Variants in MFSD6 observed in about 807,000 individuals in gnomAD.
The protein encoded by MFSD6 is major facilitator superfamily domain containing 6, also known as major facilitator superfamily domain-containing protein 6.
A neutral mutation model predicts 56.3 loss-of-function variants in MFSD6; 26 were observed. That is an observed-to-expected ratio of 0.46 (90% CI 0.34 to 0.64). The LOEUF is 0.64. Among genes scored for constraint, MFSD6 ranks in the 30% least tolerant of loss-of-function variants. The pLI is 0.01. For synonymous variants in MFSD6, 331 were observed against 366.9 expected, an observed-to-expected ratio of 0.90 and a Z score of 1.12; for missense variants, 750 against 986.2, an observed-to-expected ratio of 0.76 and a Z score of 3.21.
At chr2:190,481,348 T>C (rs1688654316) in intron 4 of MFSD6, among the ~76,000 whole-genome samples, 1 of 152,244 alleles carries the variant, frequency 6.6e-6, no homozygotes, top group Admixed American at 6.5e-5. Context: ...GATCTACTAT[T>C]TTATTTCCTC....
rs966270640 is a variant in MFSD6 at position 190,467,742 on chromosome 2, G to C, written c.1533-2016G>C. Among the ~76,000 whole-genome samples the C allele has an allele frequency of 4.6e-5, 7 of 152,054 alleles. No individual in the cohort carries two copies. Among genetic ancestry groups the C allele is most frequent in the Non-Finnish European group, 1.0e-4 (7 of 68,008 alleles). ...AATAATAGTTTCTACATGTTTAAAT[G>C]GTTGAAAAAAAACACAAGAAGAATA... On this transcript the variant is annotated intron_variant, in intron 3 of 7. Coordinates refer to ENST00000392328, the MANE Select transcript of MFSD6 (RefSeq NM_017694.4). This position sits in a 1 kb window ranked among gnomAD's most constrained non-coding sequence, Gnocchi z 5.5.
chr2:190,435,964 T>A lies in MFSD6; in HGVS notation c.-53-13T>A. 1 of 1,515,970 alleles carries A rather than the reference T, an allele frequency of 6.6e-7. No individual in the cohort carries two copies. The highest frequency in any genetic ancestry group is 8.8e-7 in the Non-Finnish European group (1 of 1,132,442). The allele number at this position is 1,515,970 out of a possible 1,614,324, so 93.9% of individuals were successfully genotyped here. ...TTTCATTACTAAGCCATCTTTTAAA[T>A]TTTACTTTACAGATCAACAGTACAA... On this transcript the variant is annotated splice_polypyrimidine_tract_variant and intron_variant, in intron 2 of 7. Coordinates refer to ENST00000392328, the MANE Select transcript of MFSD6 (RefSeq NM_017694.4).
In MFSD6 at chr2:190,495,463, C is replaced by T. The variant is rs1205209523; in HGVS notation, c.1892-1976C>T. Among the ~76,000 whole-genome samples, 1 of 152,100 alleles carries T rather than the reference C, an allele frequency of 6.6e-6. No individual in the cohort carries two copies. The highest frequency in any genetic ancestry group is 6.5e-5 in the Admixed American group (1 of 15,270). On this transcript the variant is annotated intron_variant, in intron 6 of 7. Transcript: ENST00000392328. This position sits in a 1 kb window ranked among gnomAD's most constrained non-coding sequence, Gnocchi z 4.7. Reference sequence around the variant, plus strand: ...AATTCAATGCAATTCCCATCAAATACCACCATCATTCTTCACAGAACTAGA... The same window carrying T: ...AATTCAATGCAATTCCCATCAAATATCACCATCATTCTTCACAGAACTAGA...
chr2:190,446,079 A>G (rs1354837704), intron 3 of MFSD6, among the ~76,000 whole-genome samples: 2 of 152,176 alleles, frequency 1.3e-5, no homozygotes, highest in African/African-American at 4.8e-5. Flanking sequence ...AGCTTAAAAA[A>G]TCCTACCCAA....
Position 190,500,010 on chromosome 2 carries a change from T to A in MFSD6, c.2173-5T>A. 1.2e-6 allele frequency: 2 copies of A among 1,614,088 alleles called. No homozygotes were observed. Among genetic ancestry groups the A allele is most frequent in the African/African-American group, 1.3e-5 (1 of 75,032 alleles). ...CATGGGGCATCTCCTGTTTTTTACCTCCAGGGGACCAATGAGAATAGGGAA... is the reference window on the plus strand; with the variant it reads ...CATGGGGCATCTCCTGTTTTTTACCACCAGGGGACCAATGAGAATAGGGAA... On this transcript the variant is annotated splice_region_variant and splice_polypyrimidine_tract_variant and intron_variant, in intron 7 of 7. Transcript: ENST00000392328. The surrounding 1 kb of genome is among the most constrained non-coding windows in gnomAD (Gnocchi z 5.3).
At chr2:190,427,528 T>G (rs1406009098) in intron 2 of MFSD6, among the ~76,000 whole-genome samples, 1 of 152,214 alleles carries the variant, frequency 6.6e-6, no homozygotes, top group Non-Finnish European at 1.5e-5. Flanking sequence ...CCATCAGTAT[T>G]TCTTGGTTCT....
chr2:190,428,291 C>T (rs1489072257), intron 2 of MFSD6, among the ~76,000 whole-genome samples: 4 of 152,194 alleles, frequency 2.6e-5, no homozygotes, highest in Non-Finnish European at 5.9e-5. Flanking sequence ...AATTATTCTG[C>T]AGTGAACATG....
At position 190,437,260 on chromosome 2, in the gene MFSD6, G is replaced by C; in HGVS notation, c.1231G>C (p.Val411Leu). 6.2e-7 allele frequency: 1 copy of C among 1,614,204 alleles called. No individual in the cohort carries two copies. Among genetic ancestry groups the C allele is most frequent in the Non-Finnish European group, 8.5e-7 (1 of 1,180,028 alleles). Reference sequence around the variant, plus strand: ...AGGGAAAGAGGTGGAGATCCCGCAGGTGGAAAGGAACAACTCTACAGAGTC... The same window carrying C: ...AGGGAAAGAGGTGGAGATCCCGCAGCTGGAAAGGAACAACTCTACAGAGTC... ...SKGKEVEIPQVERNNSTESSE... is the reference protein window; with the variant it reads ...SKGKEVEIPQLERNNSTESSE... Residue 411 changes from valine (V) to leucine (L), a missense_variant, in exon 3 of 8, where the codon GTG (valine) becomes CTG (leucine). By Grantham distance (32) the Val-to-Leu change is conservative. Around this residue, in one of 5 missense-constraint regions of MFSD6, gnomAD observed 376 missense variants for 437.9 expected, o/e 0.86. Transcript: ENST00000392328. This position sits in a 1 kb window ranked among gnomAD's most constrained non-coding sequence, Gnocchi z 5.9.
rs761791455 is a variant in MFSD6 at position 190,436,089 on chromosome 2, T to C, written c.60T>C (p.Tyr20=). 2 of 1,614,078 alleles carry C rather than the reference T, an allele frequency of 1.2e-6. No homozygotes were observed. Among genetic ancestry groups the C allele is most frequent in the African/African-American group, 1.3e-5 (1 of 74,932 alleles). Residue 20 remains tyrosine, a synonymous_variant, in exon 3 of 8, where the codon TAT becomes TAC. Transcript: ENST00000392328. The surrounding 1 kb of genome is among the most constrained non-coding windows in gnomAD (Gnocchi z 5.3). ...ATGAAGAGGAACAGAAGAGAAAGTA[T>C]GTGCTTGCAGATCCCTTTAATGGTA... ...TDDEEEQKRK[Y]VLADPFNGIS...
intron 3 of MFSD6, among the ~76,000 whole-genome samples, chr2:190,446,572 G>C (rs1686592419): frequency 6.6e-6 from 1 of 152,212 alleles, no homozygotes; most frequent in South Asian, 2.1e-4. Context: ...GTGTCATGAA[G>C]TTTTTAAAAT....
chr2:190,462,538 A>C lies in MFSD6; in HGVS notation c.1533-7220A>C, dbSNP rs1351124291. On this transcript the variant is annotated intron_variant, in intron 3 of 7. Coordinates refer to ENST00000392328, the MANE Select transcript of MFSD6 (RefSeq NM_017694.4). The surrounding 1 kb of genome is among the most constrained non-coding windows in gnomAD (Gnocchi z 5.7). ...GCCTGAGCAAGGCAGGCTCTTTTTG[A>C]GTACAAAGAGGAAGAAGACATGGCC... Among the ~76,000 whole-genome samples the C allele has an allele frequency of 1.3e-5, 2 of 152,176 alleles. No individual in the cohort carries two copies. Among genetic ancestry groups the C allele is most frequent in the African/African-American group, 4.8e-5 (2 of 41,446 alleles).
chr2:190,469,778 C>T lies in MFSD6; in HGVS notation c.1553C>T (p.Ala518Val). 6.3e-7 allele frequency: 1 copy of T among 1,597,196 alleles called. No homozygotes were observed. Among genetic ancestry groups the T allele is most frequent in the Non-Finnish European group, 8.5e-7 (1 of 1,171,356 alleles). ...TTTAGGGTTCTGTACATTGGCCTGGCCTGCAATACGGCTCGCTATATTTAT... is the reference window on the plus strand; with the variant it reads ...TTTAGGGTTCTGTACATTGGCCTGGTCTGCAATACGGCTCGCTATATTTAT... ...GHIRVLYIGL[A>V]CNTARYIYIS... Residue 518 changes from alanine (A) to valine (V), a missense_variant, in exon 4 of 8, where the codon GCC (alanine) becomes GTC (valine). This residue lies in a region of MFSD6 where 125 missense variants were observed against 223.1 expected (regional missense o/e 0.56). Coordinates refer to ENST00000392328, the MANE Select transcript of MFSD6 (RefSeq NM_017694.4). The surrounding 1 kb of genome is among the most constrained non-coding windows in gnomAD (Gnocchi z 5.3).
rs1339714756 is a variant in MFSD6, at chr2:190,462,909, A to T, written c.1533-6849A>T. Among the ~76,000 whole-genome samples, 1 of 152,080 alleles carries T rather than the reference A, an allele frequency of 6.6e-6. No homozygotes were observed. The highest frequency in any genetic ancestry group is 1.5e-5 in the Non-Finnish European group (1 of 68,014). The stretch of plus-strand genomic sequence containing the variant: ...CCTCTCCTCTCTGGCCACTCTTACC[A>T]CCATTCTAGCACTAGAGGAGGGTAC... On this transcript the variant is annotated intron_variant, in intron 3 of 7. Transcript: ENST00000392328. The surrounding 1 kb of genome is among the most constrained non-coding windows in gnomAD (Gnocchi z 5.7).
chr2:190,455,523 G>C (rs1686983502), intron 3 of MFSD6, among the ~76,000 whole-genome samples: 1 of 152,158 alleles, frequency 6.6e-6, no homozygotes, highest in African/African-American at 2.4e-5. Flanking sequence ...TTGTTGATCT[G>C]CACGACCCTG....
At chr2:190,427,327 G>T (rs1037437910) in intron 2 of MFSD6, among the ~76,000 whole-genome samples, 1 of 152,208 alleles carries the variant, frequency 6.6e-6, no homozygotes, top group African/African-American at 2.4e-5. Context: ...GGGCAGAATT[G>T]TAGGCTCCCT....
At position 190,463,750 on chromosome 2, in the gene MFSD6, G is replaced by T; in HGVS notation, c.1533-6008G>T. 2 of 410,966 alleles carry T rather than the reference G, an allele frequency of 4.9e-6. No individual in the cohort carries two copies. The highest frequency in any genetic ancestry group is 6.6e-6 in the Non-Finnish European group (2 of 304,968). 25.5% of individuals were successfully genotyped at this position (410,966 alleles called of 1,614,324 possible). On this transcript the variant is annotated intron_variant, in intron 3 of 7. Transcript: ENST00000392328. This position sits in a 1 kb window ranked among gnomAD's most constrained non-coding sequence, Gnocchi z 4.4. ...TGGGAGGATCACCTGGGCTCTGGTG[G>T]TCAAGGCTGCATTGAGCTGTGATGA...
At position 190,430,153 on chromosome 2, in the gene MFSD6, A is replaced by C. The variant is rs536168527; in HGVS notation, c.-53-5824A>C. Among the ~76,000 whole-genome samples the C allele has an allele frequency of 1.1e-4, 17 of 150,960 alleles. No individual in the cohort carries two copies. The East Asian group carries it at 2.9e-3, about 26-fold the overall frequency. On this transcript the variant is annotated intron_variant, in intron 2 of 7. Transcript: ENST00000392328. Reference sequence around the variant, plus strand: ...AGAATGATGGTTTCCAGCTTCATCCATGTCCCTGCAAAGGACATGAACGCA... The same window carrying C: ...AGAATGATGGTTTCCAGCTTCATCCCTGTCCCTGCAAAGGACATGAACGCA...
intron 2 of MFSD6, among the ~76,000 whole-genome samples, chr2:190,430,845 TGACCCCCCACCTCCCTCCC>T (rs1685956746): frequency 1.5e-4 from 21 of 136,370 alleles, no homozygotes; most frequent in South Asian, 2.8e-4. Flanking sequence ...GGGCGGGGGC[TGACCCCCCACCTCCCTCCC>T]GGACGGGGCG....
At chr2:190,474,978 TC>T (rs1229113612) in intron 4 of MFSD6, among the ~76,000 whole-genome samples, 2 of 152,218 alleles carry the variant, frequency 1.3e-5, no homozygotes, top group Non-Finnish European at 2.9e-5. Context: ...CATGATTATC[TC>T]AATAGATGCA....
Sources: gnomAD v4.1 joint callset for allele counts (sites outside exome capture counted in the v4.1 genomes callset) on GRCh38, gnomAD v4.1.1 for gene constraint, gnomAD v4.1.1 regional missense constraint, Gnocchi (gnomAD v3.1) non-coding constraint, MANE v1.5 for transcripts, NCBI Gene and HGNC (gene_info 2026-07-23, HGNC 2026-07-21) for gene names.